Variants in CDH10 observed in about 807,000 individuals in gnomAD.
CDH10 encodes cadherin-10.
Under a neutral mutation model 73.1 loss-of-function variants are expected in CDH10, and 30 were observed. That is an observed-to-expected ratio of 0.41 (90% CI 0.31 to 0.56). The LOEUF is 0.56. Ranked by LOEUF, CDH10 falls within the 20% of genes least tolerant of loss-of-function variation. The pLI is 0.27. For synonymous variants in CDH10, 345 were observed against 348.2 expected, an observed-to-expected ratio of 0.99 and a Z score of 0.10; for missense variants, 815 against 973.7, an observed-to-expected ratio of 0.84 and a Z score of 2.17.
At chr5:24,566,822 G>T (rs12187251) in intron 2 of CDH10, among the ~76,000 whole-genome samples, 1 of 151,724 alleles carries the variant, frequency 6.6e-6, no homozygotes, top group African/African-American at 2.4e-5. Flanking sequence ...CCCAAAAAGC[G>T]CTAACTATAA....
rs56307012 is a variant in CDH10, at chr5:24,495,717, C to T, written c.1515+2681G>A. 9.0e-3 allele frequency among the ~76,000 whole-genome samples: 1,368 copies of T among 151,898 alleles called. 13 individuals carry two copies. The highest frequency in any genetic ancestry group is 0.027 in the Middle Eastern group (8 of 294). ...AAAAAATCAGGCGGGCGTGGTGGTG[C>T]GCACCTGCAGTCCCAGCTACTTGGG... On this transcript the variant is annotated intron_variant, in intron 9 of 11. Coordinates refer to ENST00000264463, the MANE Select transcript of CDH10 (RefSeq NM_006727.5).
intron 1 of CDH10, among the ~76,000 whole-genome samples, chr5:24,596,750 T>C (rs964721898): frequency 7.2e-5 from 11 of 151,974 alleles, no homozygotes. Context: ...ATCCAGGTGA[T>C]TTGAAACGTA....
At chr5:24,638,391 T>C (rs988189129) in intron 1 of CDH10, among the ~76,000 whole-genome samples, 1 of 151,724 alleles carries the variant, frequency 6.6e-6, no homozygotes, top group Non-Finnish European at 1.5e-5. Flanking sequence ...ACTTCTTTAG[T>C]GTAGAAATTC....
chr5:24,632,984 C>A (rs1245503070), intron 1 of CDH10, among the ~76,000 whole-genome samples: 1 of 151,648 alleles, frequency 6.6e-6, no homozygotes, highest in South Asian at 2.1e-4. Context: ...TAAATAGATA[C>A]CACTATAGAT....
chr5:24,518,367 A>G (rs1332298291), intron 5 of CDH10, among the ~76,000 whole-genome samples: 1 of 152,120 alleles, frequency 6.6e-6, no homozygotes, highest in Non-Finnish European at 1.5e-5. Context: ...GGAGACAGAG[A>G]CAGATATATA....
At position 24,505,151 on chromosome 5, in the gene CDH10, A is replaced by C. The variant is rs375518042; in HGVS notation, c.1354T>G (p.Ser452Ala). Reference sequence around the variant, plus strand: ...ATAACAGTAAGATTATGCCACTGAGATAGTTCACGGTCAAGAGGTTTTGAT... The same window carrying C: ...ATAACAGTAAGATTATGCCACTGAGCTAGTTCACGGTCAAGAGGTTTTGAT... ...YTSKPLDREL[S>A]QWHNLTVIAA... The change falls in exon 8 of 12, where the codon TCT becomes GCT. Residue 452 changes from serine to alanine, a missense_variant. Transcript: ENST00000264463. 7.4e-6 allele frequency: 12 copies of C among 1,612,464 alleles called. No individual in the cohort carries two copies. Among genetic ancestry groups the C allele is most frequent in the Non-Finnish European group, 8.5e-6 (10 of 1,178,742 alleles).
intron 2 of CDH10, among the ~76,000 whole-genome samples, chr5:24,589,595 T>C (rs1485767113): frequency 4.6e-5 from 7 of 152,038 alleles, no homozygotes; most frequent in African/African-American, 1.4e-4. Flanking sequence ...ATATTAAATA[T>C]AGACAAAGTT....
rs35486231 is a variant in CDH10 at position 24,586,434 on chromosome 5, CTT to C, written c.231+6824_231+6825del. Among the ~76,000 whole-genome samples, 40 of 100,402 alleles carry C rather than the reference CTT, an allele frequency of 4.0e-4. 1 individual carries two copies. The South Asian group carries it at 0.012, about 29-fold the overall frequency. 65.9% of individuals were successfully genotyped at this position (100,402 alleles called of 152,430 possible). A position where few individuals can be genotyped will look rare whatever the true frequency, so the allele number is the denominator to read the frequency against. On this transcript the variant is annotated intron_variant, in intron 2 of 11. Transcript: ENST00000264463. ...GAAAATTTACATGCTTTATTAACTC[CTT>C]TTTTTTTTTTTTTTTTTTTTGAGAC...
At chr5:24,626,255 G>A (rs992043645) in intron 1 of CDH10, among the ~76,000 whole-genome samples, 4 of 152,078 alleles carry the variant, frequency 2.6e-5, no homozygotes, top group African/African-American at 9.7e-5. Flanking sequence ...TAGGCTTGAA[G>A]TAAACTCTTG....
At chr5:24,537,286 G>A in intron 3 of CDH10, 94 bp downstream of exon 3, 1 of 811,180 alleles carries the variant, frequency 1.2e-6, no homozygotes, top group Non-Finnish European at 1.9e-6. Flanking sequence ...GCAAATCAAA[G>A]AGGATTTCAA....
chr5:24,497,594 A>G (rs1222880708), intron 9 of CDH10, among the ~76,000 whole-genome samples: 5 of 152,234 alleles, frequency 3.3e-5, no homozygotes, highest in Non-Finnish European at 7.3e-5. Flanking sequence ...TAAAAATGTA[A>G]CAATGACATT....
chr5:24,612,945 T>A (rs1393686059), intron 1 of CDH10: 1 of 152,178 alleles, frequency 6.6e-6, no homozygotes, highest in African/African-American at 2.4e-5. Flanking sequence ...TTGTGCAGTA[T>A]GCTATTTGCA....
At chr5:24,502,123 G>A (rs550542045) in intron 8 of CDH10, among the ~76,000 whole-genome samples, 6 of 151,766 alleles carry the variant, frequency 4.0e-5, no homozygotes, top group African/African-American at 1.5e-4. Context: ...GGGGTTTCAC[G>A]GTGTTAGCCA....
At chr5:24,596,094 G>A (rs868479692) in intron 1 of CDH10, among the ~76,000 whole-genome samples, 5 of 151,724 alleles carry the variant, frequency 3.3e-5, no homozygotes, top group African/African-American at 4.8e-5. Flanking sequence ...ACAATGACAC[G>A]GTTAAATAAA....
intron 1 of CDH10, among the ~76,000 whole-genome samples, chr5:24,617,579 T>A (rs373827312): frequency 2.0e-5 from 3 of 152,196 alleles, no homozygotes; most frequent in Non-Finnish European, 4.4e-5. Context: ...AAAGTAATAC[T>A]ATTTTTTAAA....
At chr5:24,505,284 A>G in intron 7 of CDH10, 36 bp from the exon 8 acceptor site, 1 of 1,590,490 alleles carries the variant, frequency 6.3e-7, no homozygotes, top group Non-Finnish European at 8.6e-7. Context: ...ACATGGCAGC[A>G]TTATTAATAG....
intron 2 of CDH10, among the ~76,000 whole-genome samples, chr5:24,540,307 A>T: frequency 6.6e-6 from 1 of 151,968 alleles, no homozygotes; most frequent in East Asian, 1.9e-4. Context: ...TGGAATGAAG[A>T]AGGATCTAAG....
chr5:24,602,916 A>T (rs1260245069), intron 1 of CDH10, among the ~76,000 whole-genome samples: 1 of 152,154 alleles, frequency 6.6e-6, no homozygotes, highest in Non-Finnish European at 1.5e-5. Flanking sequence ...TCTAGAATAC[A>T]TGCTTCCTGA....
chr5:24,603,617 C>T (rs1746649463), intron 1 of CDH10, among the ~76,000 whole-genome samples: 1 of 152,050 alleles, frequency 6.6e-6, no homozygotes, highest in Admixed American at 6.6e-5. Flanking sequence ...CAAAATCTGA[C>T]ATCCTTCATG....
Sources: allele counts gnomAD v4.1 joint callset (sites outside exome capture counted in the v4.1 genomes callset), GRCh38; gene constraint gnomAD v4.1.1; transcripts MANE v1.5; gene names NCBI Gene and HGNC (gene_info 2026-07-23, HGNC 2026-07-21).